NEGR1: variants seen among roughly 807,000 people sequenced by gnomAD.
The protein encoded by NEGR1 is neuronal growth regulator 1.
NEGR1 carries 10 observed loss-of-function variants against 40.9 expected under a neutral mutation model. The ratio of observed to expected loss-of-function variants is 0.24; its 90% confidence interval spans 0.15 to 0.42. The LOEUF is 0.42. Among genes scored for constraint, NEGR1 ranks in the 10% least tolerant of loss-of-function variants. The pLI, the probability that NEGR1 is intolerant of heterozygous loss-of-function variation, is 1.00. For synonymous variants in NEGR1, 185 were observed against 166.8 expected, an observed-to-expected ratio of 1.11 and a Z score of -0.84; for missense variants, 352 against 438.9, an observed-to-expected ratio of 0.80 and a Z score of 1.77.
rs75134717 is a variant in NEGR1 at position 72,180,701 on chromosome 1, T to C, written c.176+101618A>G. Among the ~76,000 whole-genome samples, 1,176 of 152,168 alleles carry C rather than the reference T, an allele frequency of 7.7e-3. 10 individuals are homozygous for C. Among genetic ancestry groups the C allele is most frequent in the African/African-American group, 0.026 (1,081 of 41,548 alleles). Reference sequence around the variant, plus strand: ...AAGACGTAAATATGGCCAAAAGATATATGAAAAAGTGCTCATCATTAATCA... The same window carrying C: ...AAGACGTAAATATGGCCAAAAGATACATGAAAAAGTGCTCATCATTAATCA... On this transcript the variant is annotated intron_variant, in intron 1 of 6. Transcript: ENST00000357731.
chr1:71,456,661 T>A (rs1646675107), intron 6 of NEGR1, among the ~76,000 whole-genome samples: 1 of 152,200 alleles, frequency 6.6e-6, no homozygotes, highest in Admixed American at 6.5e-5. Context: ...TTACACCAAC[T>A]TCTATGGAAA....
chr1:72,022,350 A>G (rs964121508), intron 1 of NEGR1, among the ~76,000 whole-genome samples: 12 of 146,804 alleles, frequency 8.2e-5, no homozygotes, highest in Non-Finnish European at 1.5e-4. Context: ...AGAGAATAAT[A>G]CCATTTAAAC....
chr1:72,094,968 A>T (rs1176054983), intron 1 of NEGR1, among the ~76,000 whole-genome samples: 5 of 152,186 alleles, frequency 3.3e-5, no homozygotes, highest in Non-Finnish European at 1.5e-5. Flanking sequence ...CCTTTTTAAT[A>T]TAGCAAATTC....
chr1:71,660,805 C>T (rs1008284292), intron 4 of NEGR1, among the ~76,000 whole-genome samples: 2 of 152,106 alleles, frequency 1.3e-5, no homozygotes, highest in African/African-American at 2.4e-5. Flanking sequence ...CAGCCATCAA[C>T]CCGTCATCCA....
At position 71,663,609 on chromosome 1, in the gene NEGR1, T is replaced by C. The variant is rs150517937; in HGVS notation, c.667+34399A>G. 4.9e-3 allele frequency among the ~76,000 whole-genome samples: 740 copies of C among 152,342 alleles called. 3 individuals carry two copies. Among genetic ancestry groups the C allele is most frequent in the Non-Finnish European group, 7.1e-3 (484 of 68,030 alleles). ...TTGCTTTTGTCAGTTCATTCAGTTG[T>C]CGCTTTTTAATTTATCCCATGCCAT... On this transcript the variant is annotated intron_variant, in intron 4 of 6. Coordinates refer to ENST00000357731, the MANE Select transcript of NEGR1 (RefSeq NM_173808.3).
At chr1:71,565,427 A>T (rs1421558903) in intron 6 of NEGR1, among the ~76,000 whole-genome samples, 3 of 152,150 alleles carry the variant, frequency 2.0e-5, no homozygotes, top group African/African-American at 7.2e-5. Context: ...CTCAGTTCTT[A>T]GTGGTTTTTC....
intron 3 of NEGR1, among the ~76,000 whole-genome samples, chr1:71,721,736 G>GC (rs1367548602): frequency 2.0e-5 from 3 of 152,068 alleles, no homozygotes; most frequent in African/African-American, 7.2e-5. Flanking sequence ...AGGCCACATT[G>GC]CCCCCGATGG....
chr1:71,593,368 C>T (rs555513152), intron 5 of NEGR1, among the ~76,000 whole-genome samples: 111 of 152,184 alleles, frequency 7.3e-4, no homozygotes, highest in Non-Finnish European at 1.2e-3. Context: ...GGTAAGCTGG[C>T]GAGAGTATGT....
intron 2 of NEGR1, chr1:71,794,176 T>C (rs1468503656): frequency 6.6e-6 from 1 of 152,160 alleles, no homozygotes; most frequent in Non-Finnish European, 1.5e-5. Flanking sequence ...ATAATTCAAC[T>C]GGATTACAGA....
At chr1:71,578,832 A>G (rs1649041042) in intron 6 of NEGR1, among the ~76,000 whole-genome samples, 1 of 152,200 alleles carries the variant, frequency 6.6e-6, no homozygotes, top group Non-Finnish European at 1.5e-5. Context: ...ATAGATCAAC[A>G]GTGAAGTAAT....
chr1:71,921,237 A>C (rs999503501), intron 2 of NEGR1, among the ~76,000 whole-genome samples: 1 of 152,232 alleles, frequency 6.6e-6, no homozygotes, highest in Admixed American at 6.5e-5. Flanking sequence ...ATGGTTAACT[A>C]TATAAAGGAT....
intron 6 of NEGR1, among the ~76,000 whole-genome samples, chr1:71,487,496 A>C (rs1646895121): frequency 6.6e-6 from 1 of 151,730 alleles, no homozygotes; most frequent in South Asian, 2.1e-4. Flanking sequence ...CGAGTCATTT[A>C]CTTGCTCATA....
At chr1:71,935,669 A>G (rs1247654522) in intron 1 of NEGR1, among the ~76,000 whole-genome samples, 1 of 152,148 alleles carries the variant, frequency 6.6e-6, no homozygotes, top group Non-Finnish European at 1.5e-5. Flanking sequence ...AGCCTATTTC[A>G]TTGTTTGAAA....
intron 6 of NEGR1, among the ~76,000 whole-genome samples, chr1:71,525,116 T>A (rs1647200912): frequency 6.6e-6 from 1 of 151,766 alleles, no homozygotes. Context: ...TTAATACACC[T>A]AGGAAATCAT....
At chr1:72,085,695 C>T (rs528034122) in intron 1 of NEGR1, among the ~76,000 whole-genome samples, 8 of 152,038 alleles carry the variant, frequency 5.3e-5, no homozygotes, top group South Asian at 2.1e-4. Flanking sequence ...TCCGGCCAGG[C>T]GCAGTGGCTC....
intron 6 of NEGR1, among the ~76,000 whole-genome samples, chr1:71,530,886 GGTGTGTGTGTAT>G (rs1398950564): frequency 1.3e-5 from 2 of 150,990 alleles, no homozygotes; most frequent in Non-Finnish European, 3.0e-5. Context: ...GTCATGAGGA[GGTGTGTGTGTAT>G]GTGTGTGTGT....
At chr1:71,657,601 G>A (rs535603185) in intron 4 of NEGR1, among the ~76,000 whole-genome samples, 1 of 152,170 alleles carries the variant, frequency 6.6e-6, no homozygotes, top group South Asian at 2.1e-4. Context: ...AACATAAAAG[G>A]CAAGGAAACA....
intron 3 of NEGR1, among the ~76,000 whole-genome samples, chr1:71,761,896 G>C (rs181348777): frequency 3.3e-5 from 5 of 152,062 alleles, no homozygotes; most frequent in African/African-American, 1.2e-4. Context: ...AAATATAAAA[G>C]ATAGGTAAAT....
At chr1:71,665,331 C>A (rs920581563) in intron 4 of NEGR1, among the ~76,000 whole-genome samples, 2 of 152,112 alleles carry the variant, frequency 1.3e-5, no homozygotes, top group African/African-American at 4.8e-5. Flanking sequence ...TTACAGAGAA[C>A]TTGTGGAGTT....
Sources: allele counts gnomAD v4.1 joint callset (sites outside exome capture counted in the v4.1 genomes callset), GRCh38; gene constraint gnomAD v4.1.1; transcripts MANE v1.5; gene names NCBI Gene and HGNC (gene_info 2026-07-23, HGNC 2026-07-21).